Variants in HOTAIR observed in about 807,000 individuals in gnomAD.
The protein encoded by HOTAIR is HOX transcript antisense RNA, also known as HOX transcript antisense RNA (non-protein coding).
chr12:53,970,264 G>GATAA (rs1939126837), intron 1 of HOTAIR, among the ~76,000 whole-genome samples: 1 of 152,212 alleles, frequency 6.6e-6, no homozygotes, highest in Non-Finnish European at 1.5e-5. Flanking sequence ...ACCTGGAGCG[G>GATAA]GCTTGACAAG....
At chr12:53,971,612 T>G (rs1939149345) in intron 1 of HOTAIR, among the ~76,000 whole-genome samples, 1 of 152,234 alleles carries the variant, frequency 6.6e-6, no homozygotes, top group Non-Finnish European at 1.5e-5. Context: ...CTATTTTTTG[T>G]TTTCCCCTGA....
chr12:53,972,172 T>G (rs1939159324), intron 1 of HOTAIR, among the ~76,000 whole-genome samples: 1 of 152,220 alleles, frequency 6.6e-6, no homozygotes, highest in Non-Finnish European at 1.5e-5. Flanking sequence ...TACACTAGGC[T>G]TCTTTTCAGC....
Position 53,973,157 on chromosome 12 carries a change from A to ACG in HOTAIR, n.59+1739_59+1740dup. 1.0e-6 allele frequency: 1 copy of ACG among 984,752 alleles called. No homozygotes were observed. The highest frequency in any genetic ancestry group is 1.5e-6 in the Non-Finnish European group (1 of 669,832). The allele number at this position is 984,752 out of a possible 1,614,324, so 61.0% of individuals were successfully genotyped here. On this transcript the variant is annotated intron_variant and non_coding_transcript_variant, in intron 1 of 6. Transcript: ENST00000424518. This position sits in a 1 kb window ranked among gnomAD's most constrained non-coding sequence, Gnocchi z 4.3. Reference sequence around the variant, plus strand: ...AGAGAGAGAGAGACTAAGACGGATAACGCGTCATCTCGCCTTCCCAAATTT... The same window carrying ACG: ...AGAGAGAGAGAGACTAAGACGGATAACGCGCGTCATCTCGCCTTCCCAAATTT...
intron 1 of HOTAIR, among the ~76,000 whole-genome samples, chr12:53,972,093 A>G (rs1432631080): frequency 6.6e-6 from 1 of 152,102 alleles, no homozygotes; most frequent in Non-Finnish European, 1.5e-5. Flanking sequence ...CCCACCTTAC[A>G]GTCCTCAAAA....
At chr12:53,964,406 AAG>A (rs1939012714) in intron 5 of HOTAIR, 1 of 152,218 alleles carries the variant, frequency 6.6e-6, no homozygotes, top group Non-Finnish European at 1.5e-5. Context: ...GGGGAAGGGA[AAG>A]AGAAAGAAAG....
At chr12:53,970,823 C>A (rs1939136589) in intron 1 of HOTAIR, among the ~76,000 whole-genome samples, 1 of 152,176 alleles carries the variant, frequency 6.6e-6, no homozygotes, top group African/African-American at 2.4e-5. Context: ...CAGCCCCTAC[C>A]CCCATCTCAG....
exon 7 of HOTAIR, chr12:53,962,887 C>G (rs1938978509): frequency 6.6e-6 from 1 of 152,232 alleles, no homozygotes; most frequent in Admixed American, 6.5e-5. Context: ...TGCATAATCA[C>G]TCCTGTATGG....
chr12:53,967,072 T>C (rs1939068483), intron 3 of HOTAIR, among the ~76,000 whole-genome samples: 1 of 152,202 alleles, frequency 6.6e-6, no homozygotes, highest in Admixed American at 6.5e-5. Flanking sequence ...TCCTCTGGGC[T>C]CATGGAGACA....
chr12:53,966,939 G>A (rs1939066081), intron 3 of HOTAIR, among the ~76,000 whole-genome samples: 2 of 152,200 alleles, frequency 1.3e-5, no homozygotes, highest in South Asian at 4.1e-4. Flanking sequence ...TGAGATCCTT[G>A]ATCCTTTTCC....
intron 2 of HOTAIR, among the ~76,000 whole-genome samples, chr12:53,967,569 G>A (rs1012986668): frequency 6.6e-5 from 10 of 152,208 alleles, no homozygotes; most frequent in South Asian, 4.1e-4. Flanking sequence ...TGGGCTCAAC[G>A]GGCTGGAGGG....
intron 2 of HOTAIR, among the ~76,000 whole-genome samples, chr12:53,967,647 T>C (rs1939079310): frequency 6.6e-6 from 1 of 152,168 alleles, no homozygotes; most frequent in Non-Finnish European, 1.5e-5. Flanking sequence ...CGGTGGATAG[T>C]ATTTTAAACA....
chr12:53,971,235 GTTC>G (rs1939143026), intron 1 of HOTAIR, among the ~76,000 whole-genome samples: 1 of 152,182 alleles, frequency 6.6e-6, no homozygotes, highest in Non-Finnish European at 1.5e-5. Flanking sequence ...CCCCAATCTA[GTTC>G]TTCTTTGCTT....
chr12:53,963,792 C>G (rs1429994691), exon 7 of HOTAIR: 1 of 152,232 alleles, frequency 6.6e-6, no homozygotes, highest in Non-Finnish European at 1.5e-5. Context: ...CCCCGGCACC[C>G]GCTCAGGTTT....
At chr12:53,963,864 C>T (rs1344704354) in exon 7 of HOTAIR, 2 of 152,248 alleles carry the variant, frequency 1.3e-5, no homozygotes, top group Non-Finnish European at 2.9e-5. Flanking sequence ...CTCTGTACTC[C>T]CGTTCCCTAG....
At chr12:53,965,059 G>GAA (rs1939026251) in intron 5 of HOTAIR, among the ~76,000 whole-genome samples, 4 of 152,224 alleles carry the variant, frequency 2.6e-5, no homozygotes, top group Non-Finnish European at 5.9e-5. Flanking sequence ...TGGAGCCTGG[G>GAA]AGGCAGCAAT....
At chr12:53,964,941 G>T (rs1299172002) in intron 5 of HOTAIR, among the ~76,000 whole-genome samples, 1 of 152,166 alleles carries the variant, frequency 6.6e-6, no homozygotes, top group Admixed American at 6.5e-5. Flanking sequence ...GCCTCCTCTA[G>T]TATTGTAATC....
chr12:53,973,863 C>A lies in HOTAIR; in HGVS notation n.59+1035G>T. 7.1e-7 allele frequency: 1 copy of A among 1,417,182 alleles called. No homozygotes were observed. Among genetic ancestry groups the A allele is most frequent in the South Asian group, 1.4e-5 (1 of 69,362 alleles). 87.8% of individuals were successfully genotyped at this position (1,417,182 alleles called of 1,614,324 possible). ...GGAGGCTGAGGAGGAGAACACAAAT[C>A]CCAGCTCGTCCGGTTCAGCCCACTC... On this transcript the variant is annotated intron_variant and non_coding_transcript_variant, in intron 1 of 6. Coordinates refer to ENST00000424518, the Ensembl canonical transcript of HOTAIR. The surrounding 1 kb of genome is among the most constrained non-coding windows in gnomAD (Gnocchi z 4.3).
intron 1 of HOTAIR, among the ~76,000 whole-genome samples, chr12:53,974,122 G>T (rs1397021995): frequency 6.6e-6 from 1 of 151,024 alleles, no homozygotes; most frequent in Non-Finnish European, 1.5e-5. Flanking sequence ...GACTTTTTAC[G>T]ATGGAGAAGG....
chr12:53,970,719 TG>T (rs1336664931), intron 1 of HOTAIR, among the ~76,000 whole-genome samples: 3 of 152,232 alleles, frequency 2.0e-5, no homozygotes, highest in Non-Finnish European at 4.4e-5. Flanking sequence ...AGCAGCTCCT[TG>T]TTGCCGCCTG....
Sources: gnomAD v4.1 joint callset for allele counts (sites outside exome capture counted in the v4.1 genomes callset) on GRCh38, gnomAD v4.1.1 for gene constraint, Gnocchi (gnomAD v3.1) non-coding constraint, MANE v1.5 for transcripts, NCBI Gene and HGNC (gene_info 2026-07-23, HGNC 2026-07-21) for gene names.